Variants in ZNF385B observed in about 807,000 individuals in gnomAD.
ZNF385B encodes zinc finger protein 533.
ZNF385B carries 23 observed loss-of-function variants against 39.2 expected under a neutral mutation model. The ratio of observed to expected loss-of-function variants is 0.59; its 90% CI spans 0.42 to 0.83. The LOEUF (loss-of-function observed/expected upper bound fraction) is 0.83, where lower values mean the gene tolerates loss of function less well. Among genes scored for constraint, ZNF385B ranks in the 40% least tolerant of loss-of-function variants. The pLI is 0.00. For missense variants in ZNF385B, 552 were observed against 598.9 expected (o/e 0.92, Z 0.82); for synonymous variants, 205 against 222.6 (o/e 0.92, Z 0.70).
Position 179,848,319 on chromosome 2 carries a change from C to T in ZNF385B, c.-155+12782G>A, listed in dbSNP as rs532397308. ...GATAAGAAAATCATATCTTGTAAAC[C>T]GATCATCCCTTTCCAAAAGCCCATA... On this transcript the variant is annotated intron_variant, in intron 1 of 9. Coordinates refer to ENST00000410066, the MANE Select transcript of ZNF385B (RefSeq NM_152520.6). Among the ~76,000 whole-genome samples the T allele has an allele frequency of 1.3e-3, 195 of 152,218 alleles. 2 individuals carry two copies. Among genetic ancestry groups the T allele is most frequent in the Non-Finnish European group, 2.4e-3 (163 of 68,022 alleles).
chr2:179,463,980 A>T (rs1394928405), intron 6 of ZNF385B, among the ~76,000 whole-genome samples: 2 of 152,150 alleles, frequency 1.3e-5, no homozygotes, highest in Non-Finnish European at 2.9e-5. Flanking sequence ...GTGTAAAAGC[A>T]TCCCTATTTC....
At chr2:179,628,033 T>C (rs1690832971) in intron 3 of ZNF385B, among the ~76,000 whole-genome samples, 2 of 152,178 alleles carry the variant, frequency 1.3e-5, no homozygotes, top group African/African-American at 4.8e-5. Flanking sequence ...TTTTCAAACA[T>C]GTTTTTTTCC....
At chr2:179,797,901 T>C (rs1190325410) in intron 1 of ZNF385B, among the ~76,000 whole-genome samples, 1 of 152,160 alleles carries the variant, frequency 6.6e-6, no homozygotes, top group East Asian at 1.9e-4. Context: ...AATCCTACCA[T>C]TCATTCATTT....
chr2:179,821,677 C>T (rs2106583310), intron 1 of ZNF385B, among the ~76,000 whole-genome samples: 1 of 152,156 alleles, frequency 6.6e-6, no homozygotes, highest in South Asian at 2.1e-4. Context: ...CCAAGATAGA[C>T]TAAATGACAC....
rs1240847714 is a variant in ZNF385B at position 179,817,689 on chromosome 2, G to GTGTA, written c.-155+43411_-155+43412insTACA. ...TCTGTGTGTGTGTGTGTGTGTGTGT[G>GTGTA]TCAATCTGAATGGGTCTATGTGGTT... On this transcript the variant is annotated intron_variant, in intron 1 of 9. Coordinates refer to ENST00000410066, the MANE Select transcript of ZNF385B (RefSeq NM_152520.6). Among the ~76,000 whole-genome samples the GTGTA allele has an allele frequency of 7.2e-5, 11 of 151,950 alleles. No individual in the cohort carries two copies. In the East Asian group the frequency reaches 1.7e-3, roughly 24 times the overall value.
intron 3 of ZNF385B, among the ~76,000 whole-genome samples, chr2:179,695,960 C>T (rs1698705106): frequency 6.6e-6 from 1 of 152,184 alleles, no homozygotes; most frequent in Non-Finnish European, 1.5e-5. Flanking sequence ...ATACGTGCCA[C>T]AACATGGCTA....
At chr2:179,756,919 T>C (rs956387936) in intron 3 of ZNF385B, among the ~76,000 whole-genome samples, 1 of 152,204 alleles carries the variant, frequency 6.6e-6, no homozygotes, top group African/African-American at 2.4e-5. Context: ...CTTTCTCCTT[T>C]AGCTCCGAGA....
chr2:179,636,709 A>C (rs1424147322), intron 3 of ZNF385B, among the ~76,000 whole-genome samples: 1 of 152,084 alleles, frequency 6.6e-6, no homozygotes, highest in African/African-American at 2.4e-5. Context: ...AATCTTTTCC[A>C]ATGGTTAATC....
intron 3 of ZNF385B, among the ~76,000 whole-genome samples, chr2:179,594,858 G>A (rs1045027130): frequency 6.7e-6 from 1 of 149,354 alleles, no homozygotes; most frequent in African/African-American, 2.5e-5. Context: ...CCCCAGCTCA[G>A]TGCAGTGGCC....
intron 5 of ZNF385B, among the ~76,000 whole-genome samples, chr2:179,499,752 C>G (rs1314044337): frequency 6.6e-6 from 1 of 151,908 alleles, no homozygotes; most frequent in Admixed American, 6.6e-5. Context: ...CCCACTGTTA[C>G]CACTGTTATT....
chr2:179,473,741 T>C (rs889099794), intron 6 of ZNF385B, among the ~76,000 whole-genome samples: 3 of 152,056 alleles, frequency 2.0e-5, no homozygotes, highest in Non-Finnish European at 4.4e-5. Context: ...TGTGTTCTCG[T>C]TGTTGAACTC....
chr2:179,639,641 A>G (rs530507587), intron 3 of ZNF385B, among the ~76,000 whole-genome samples: 5 of 152,258 alleles, frequency 3.3e-5, no homozygotes, highest in Admixed American at 6.5e-5. Context: ...AGGGTAGAGG[A>G]AGGAGGGAAA....
chr2:179,539,458 A>C (rs531921339), intron 4 of ZNF385B, among the ~76,000 whole-genome samples: 1 of 152,372 alleles, frequency 6.6e-6, no homozygotes, highest in East Asian at 1.9e-4. Context: ...AATATGTCTT[A>C]TAAATGTACT....
intron 1 of ZNF385B, among the ~76,000 whole-genome samples, chr2:179,837,376 T>A (rs571969323): frequency 6.6e-6 from 1 of 152,226 alleles, no homozygotes; most frequent in South Asian, 2.1e-4. Flanking sequence ...TATCAACAAA[T>A]TGTGTTCTCA....
intron 3 of ZNF385B, among the ~76,000 whole-genome samples, chr2:179,747,820 G>A (rs62181522): frequency 0.047 from 7,213 of 152,098 alleles, 253 homozygotes; most frequent in Middle Eastern, 0.095. Flanking sequence ...ATATAATGCC[G>A]CACTGGGGTC....
At chr2:179,500,688 C>G (rs2056673835) in intron 5 of ZNF385B, among the ~76,000 whole-genome samples, 2 of 152,030 alleles carry the variant, frequency 1.3e-5, no homozygotes, top group African/African-American at 4.8e-5. Context: ...TTGGTCTTGG[C>G]AAAGATTTGT....
At chr2:179,684,053 T>A (rs1347051581) in intron 3 of ZNF385B, among the ~76,000 whole-genome samples, 2 of 152,206 alleles carry the variant, frequency 1.3e-5, no homozygotes, top group African/African-American at 4.8e-5. Context: ...TTCTGAAAGA[T>A]GGACCTTGGA....
At chr2:179,707,602 T>C (rs1399507562) in intron 3 of ZNF385B, among the ~76,000 whole-genome samples, 1 of 152,196 alleles carries the variant, frequency 6.6e-6, no homozygotes, top group African/African-American at 2.4e-5. Flanking sequence ...ACCCAACCAA[T>C]AGTATAGTTC....
intron 1 of ZNF385B, among the ~76,000 whole-genome samples, chr2:179,792,612 TGA>T (rs2106541694): frequency 8.1e-6 from 1 of 122,864 alleles, no homozygotes; most frequent in East Asian, 7.1e-4. Flanking sequence ...TGACCTCAGG[TGA>T]TCCACCTGCC....
Sources: gnomAD v4.1 joint callset for allele counts (sites outside exome capture counted in the v4.1 genomes callset) on GRCh38, gnomAD v4.1.1 for gene constraint, MANE v1.5 for transcripts, NCBI Gene and HGNC (gene_info 2026-07-23, HGNC 2026-07-21) for gene names.